The following SLC37A3 variants were observed in gnomAD, a reference collection of about 807,000 sequenced individuals.
SLC37A3 encodes solute carrier family 37 member 3.
In SLC37A3, 51 loss-of-function variants were observed where a neutral mutation model predicts 67.1. That is an observed-to-expected ratio of 0.76 (90% CI 0.61 to 0.96). The LOEUF (loss-of-function observed/expected upper bound fraction) is 0.96. SLC37A3 is among the 40% of genes least tolerant of loss of function. SLC37A3 has a pLI of 0.00. For synonymous variants in SLC37A3, 214 were observed against 231.4 expected (o/e 0.92, Z 0.68); for missense variants, 508 against 603.0 (o/e 0.84, Z 1.65).
At chr7:140,386,143 G>A (rs1466026270) in intron 1 of SLC37A3, among the ~76,000 whole-genome samples, 1 of 152,064 alleles carries the variant, frequency 6.6e-6, no homozygotes, top group Admixed American at 6.6e-5. Flanking sequence ...AGACTGGAGT[G>A]CAGTGGCACA....
In SLC37A3 at chr7:140,363,105, T is replaced by G. The variant is rs1185869653; in HGVS notation, c.375+1303A>C. 6.1e-5 allele frequency among the ~76,000 whole-genome samples: 5 copies of G among 81,366 alleles called. 2 individuals carry two copies. Among genetic ancestry groups the G allele is most frequent in the African/African-American group, 2.3e-4 (5 of 21,662 alleles). 53.4% of individuals were successfully genotyped at this position (81,366 alleles called of 152,430 possible). A position where few individuals can be genotyped will look rare whatever the true frequency, so the allele number is the denominator to read the frequency against. On this transcript the variant is annotated intron_variant, in intron 5 of 14. Transcript: ENST00000326232. ...GCCCCCCGCCCGGCCAGCCGCCCCA[T>G]CCGGGAGGTGAGGGGCGCTTCTGCC...
At chr7:140,347,247 CAAAAAAA>C (rs554765652) in intron 10 of SLC37A3, among the ~76,000 whole-genome samples, 5 of 71,626 alleles carry the variant, frequency 7.0e-5, no homozygotes, top group Non-Finnish European at 1.2e-4. Flanking sequence ...CCCCCATCTC[CAAAAAAA>C]AAAAAAAAGA....
chr7:140,395,654 A>G (rs879833434), intron 1 of SLC37A3, among the ~76,000 whole-genome samples: 53 of 152,028 alleles, frequency 3.5e-4, no homozygotes, highest in African/African-American at 7.2e-4. Flanking sequence ...GTTGCAGTGA[A>G]CCGAGATCCC....
intron 3 of SLC37A3, among the ~76,000 whole-genome samples, chr7:140,369,964 G>T (rs1014694377): frequency 7.2e-5 from 11 of 152,044 alleles, no homozygotes; most frequent in African/African-American, 2.4e-4. Flanking sequence ...TACAAAATTA[G>T]CCAGGCATGG....
intron 1 of SLC37A3, among the ~76,000 whole-genome samples, chr7:140,397,864 A>C (rs1473243948): frequency 6.6e-6 from 1 of 152,206 alleles, no homozygotes; most frequent in Non-Finnish European, 1.5e-5. Flanking sequence ...AACTGAGAAT[A>C]AACAGAACAC....
At chr7:140,338,909 C>T (rs1416429278) in intron 13 of SLC37A3, among the ~76,000 whole-genome samples, 2 of 150,654 alleles carry the variant, frequency 1.3e-5, no homozygotes, top group African/African-American at 4.9e-5. Context: ...GAGGTGCCAC[C>T]CCCCGCCCAG....
At chr7:140,358,515 C>A (rs1054089928) in intron 6 of SLC37A3, 125 bp downstream of exon 6, 166 of 1,342,710 alleles carry the variant, frequency 1.2e-4, no homozygotes, top group Non-Finnish European at 1.5e-4. Context: ...CTGAACAACT[C>A]TGACTTGCTA....
chr7:140,360,732 TAAAAA>T (rs10631882), intron 5 of SLC37A3, among the ~76,000 whole-genome samples: 9 of 137,260 alleles, frequency 6.6e-5, no homozygotes, highest in South Asian at 4.7e-4. Context: ...AGACTCCGTT[TAAAAA>T]AAAAAAAAAA....
chr7:140,364,513 T>C (rs746380856), intron 4 of SLC37A3, 22 bp from the exon 5 acceptor site: 1 of 1,608,318 alleles, frequency 6.2e-7, no homozygotes, highest in Non-Finnish European at 8.5e-7. Flanking sequence ...GCATTTTCTT[T>C]TACAGCTCTA....
chr7:140,377,507 T>C (rs1467734499), intron 3 of SLC37A3, among the ~76,000 whole-genome samples: 1 of 152,232 alleles, frequency 6.6e-6, no homozygotes. Flanking sequence ...TTATTATCTA[T>C]AGACATAGAC....
intron 3 of SLC37A3, among the ~76,000 whole-genome samples, chr7:140,371,222 T>C (rs10268546): frequency 0.73 from 110,758 of 152,138 alleles, 40,463 homozygotes; most frequent in East Asian, 0.89. Flanking sequence ...GTTGCCCAGG[T>C]TAGAGGGCAG....
intron 1 of SLC37A3, among the ~76,000 whole-genome samples, chr7:140,392,101 C>T (rs1428053315): frequency 6.6e-6 from 1 of 152,098 alleles, no homozygotes; most frequent in African/African-American, 2.4e-5. Context: ...TACGGAAAAC[C>T]CTCTCCCCTC....
intron 1 of SLC37A3, among the ~76,000 whole-genome samples, chr7:140,391,245 C>T (rs1374579458): frequency 6.6e-6 from 1 of 152,172 alleles, no homozygotes; most frequent in Admixed American, 6.6e-5. Context: ...CAATTAATAT[C>T]CCTCCAAAAT....
chr7:140,382,291 C>G, intron 2 of SLC37A3, 147 bp downstream of exon 2: 1 of 679,764 alleles, frequency 1.5e-6, no homozygotes, highest in South Asian at 2.1e-5. Flanking sequence ...TCCAGAACTA[C>G]GATATTACAG....
intron 12 of SLC37A3, chr7:140,343,854 A>C: frequency 3.0e-6 from 1 of 332,740 alleles, no homozygotes; most frequent in South Asian, 2.9e-5. Flanking sequence ...ATTAATAACT[A>C]ATTGCACTAG....
At chr7:140,388,973 C>T (rs1798618344) in intron 1 of SLC37A3, among the ~76,000 whole-genome samples, 1 of 152,094 alleles carries the variant, frequency 6.6e-6, no homozygotes, top group Admixed American at 6.6e-5. Flanking sequence ...ACCGCCTTTG[C>T]AAAACTATAA....
intron 3 of SLC37A3, among the ~76,000 whole-genome samples, chr7:140,376,725 C>T (rs1441205339): frequency 2.0e-5 from 3 of 152,084 alleles, no homozygotes; most frequent in East Asian, 1.9e-4. Context: ...GAGCAGAACA[C>T]GTTTATGTGG....
intron 3 of SLC37A3, among the ~76,000 whole-genome samples, chr7:140,377,157 C>G (rs1335241363): frequency 1.3e-5 from 2 of 151,786 alleles, no homozygotes; most frequent in Non-Finnish European, 2.9e-5. Flanking sequence ...GTTGGCCAGG[C>G]TGGTCTCGAA....
At chr7:140,397,767 T>G (rs530600134) in intron 1 of SLC37A3, among the ~76,000 whole-genome samples, 1 of 152,168 alleles carries the variant, frequency 6.6e-6, no homozygotes, top group African/African-American at 2.4e-5. Flanking sequence ...AACTTTTCAG[T>G]AAGAGTTACC....
Sources: allele counts gnomAD v4.1 joint callset (sites outside exome capture counted in the v4.1 genomes callset), GRCh38; gene constraint gnomAD v4.1.1; transcripts MANE v1.5; gene names NCBI Gene and HGNC (gene_info 2026-07-23, HGNC 2026-07-21).